Variants in LRRIQ1 observed in about 807,000 individuals in gnomAD.
LRRIQ1 encodes leucine rich repeats and IQ motif containing 1.
LRRIQ1 carries 210 observed loss-of-function variants against 211.9 expected under a neutral mutation model. The observed-to-expected ratio is 0.99, with a 90% CI of 0.89 to 1.11. The LOEUF (loss-of-function observed/expected upper bound fraction) is 1.11, where lower values mean the gene tolerates loss of function less well. LRRIQ1 is among the 50% of genes most tolerant of loss of function. LRRIQ1 has a pLI of 0.00. For missense variants in LRRIQ1, 2,136 were observed against 1,939.5 expected, an observed-to-expected ratio of 1.10 and a Z score of -1.90; for synonymous variants, 699 against 650.1, an observed-to-expected ratio of 1.08 and a Z score of -1.14.
intron 19 of LRRIQ1, among the ~76,000 whole-genome samples, chr12:85,142,276 A>G (rs1889594873): frequency 6.6e-6 from 1 of 151,210 alleles, no homozygotes; most frequent in Non-Finnish European, 1.5e-5. Flanking sequence ...GATTTTCTTT[A>G]TTGCCCTGCT....
intron 18 of LRRIQ1, among the ~76,000 whole-genome samples, chr12:85,132,816 A>G (rs1191362331): frequency 6.6e-6 from 1 of 151,918 alleles, no homozygotes; most frequent in African/African-American, 2.4e-5. Flanking sequence ...TAATTTTTTA[A>G]AATACCAAAA....
At chr12:85,043,860 CCTT>C (rs900382435) in intron 3 of LRRIQ1, among the ~76,000 whole-genome samples, 4 of 152,060 alleles carry the variant, frequency 2.6e-5, no homozygotes, top group Admixed American at 6.6e-5. Flanking sequence ...ACTCCAAGCT[CCTT>C]CTACCACATT....
intron 11 of LRRIQ1, among the ~76,000 whole-genome samples, chr12:85,095,705 G>A (rs1417307275): frequency 6.6e-6 from 1 of 152,174 alleles, no homozygotes; most frequent in Non-Finnish European, 1.5e-5. Flanking sequence ...AATAGCTTAA[G>A]TAGATCTGGT....
At chr12:85,121,608 T>C in intron 15 of LRRIQ1, 89 bp from the exon 16 acceptor site, 1 of 899,144 alleles carries the variant, frequency 1.1e-6, no homozygotes, top group Non-Finnish European at 1.5e-6. Flanking sequence ...CCTATGCTTG[T>C]ATTATTTAAA....
At chr12:85,198,955 TG>T (rs1021410803) in intron 24 of LRRIQ1, among the ~76,000 whole-genome samples, 6 of 152,178 alleles carry the variant, frequency 3.9e-5, no homozygotes, top group African/African-American at 7.2e-5. Context: ...CACTTTTTAA[TG>T]GGGTTGTTTG....
At chr12:85,205,325 T>C (rs1893489526) in intron 24 of LRRIQ1, among the ~76,000 whole-genome samples, 2 of 152,208 alleles carry the variant, frequency 1.3e-5, no homozygotes, top group Admixed American at 6.5e-5. Context: ...CATTTGCTTG[T>C]CTGAAAAATA....
intron 11 of LRRIQ1, among the ~76,000 whole-genome samples, chr12:85,080,439 A>G (rs958984074): frequency 1.3e-5 from 2 of 151,590 alleles, no homozygotes; most frequent in South Asian, 2.1e-4. Flanking sequence ...AATATATTTA[A>G]TGTCTTTTAT....
chr12:85,073,186 T>C, intron 11 of LRRIQ1, 88 bp downstream of exon 11: 2 of 836,660 alleles, frequency 2.4e-6, no homozygotes, highest in Middle Eastern at 3.7e-4. Flanking sequence ...GTCACCATCA[T>C]CTCCTTTATT....
intron 18 of LRRIQ1, among the ~76,000 whole-genome samples, chr12:85,133,561 T>C (rs1023360235): frequency 2.0e-5 from 3 of 152,082 alleles, no homozygotes; most frequent in African/African-American, 7.2e-5. Flanking sequence ...AAATAGATGG[T>C]GAGGTTTGAT....
At chr12:85,079,046 T>G (rs1007770575) in intron 11 of LRRIQ1, among the ~76,000 whole-genome samples, 1 of 152,106 alleles carries the variant, frequency 6.6e-6, no homozygotes, top group Non-Finnish European at 1.5e-5. Context: ...GTCAATTTGC[T>G]ATAATATCAC....
chr12:85,129,642 C>T (rs1182503567), intron 18 of LRRIQ1, among the ~76,000 whole-genome samples: 6 of 152,124 alleles, frequency 3.9e-5, no homozygotes, highest in Non-Finnish European at 8.8e-5. Context: ...GGCAAAGGAA[C>T]ATCAGATTCT....
intron 15 of LRRIQ1, among the ~76,000 whole-genome samples, chr12:85,108,094 G>A (rs1886911887): frequency 6.6e-6 from 1 of 151,956 alleles, no homozygotes; most frequent in Non-Finnish European, 1.5e-5. Context: ...AGTATTGGTT[G>A]TATTCTGGAC....
intron 24 of LRRIQ1, among the ~76,000 whole-genome samples, chr12:85,172,555 T>C (rs919325370): frequency 6.6e-6 from 1 of 152,130 alleles, no homozygotes; most frequent in Non-Finnish European, 1.5e-5. Context: ...ATCTAAGGGC[T>C]TCTGGATAAA....
Position 85,098,362 on chromosome 12 carries a change from A to G in LRRIQ1, c.2895A>G (p.Leu965=), listed in dbSNP as rs1025922451. The G allele has an allele frequency of 4.4e-6, 7 of 1,602,038 alleles. No homozygotes were observed. Among genetic ancestry groups the G allele is most frequent in the Non-Finnish European group, 1.7e-6 (2 of 1,172,412 alleles). ...ATAACTTTTTTCTTCTAGGTGGTTT[A>G]GAATCTTTGAAAAATCTTCAACAAC... ...LISHLYWNCG[L]ESLKNLQQLI... is the part of the protein sequence containing the mutation. Residue 965 remains leucine (L), a synonymous_variant, in exon 12 of 27, where the codon TTA becomes TTG. Transcript: ENST00000393217.
At chr12:85,177,953 A>C (rs930918130) in intron 24 of LRRIQ1, among the ~76,000 whole-genome samples, 1 of 152,104 alleles carries the variant, frequency 6.6e-6, no homozygotes, top group Non-Finnish European at 1.5e-5. Context: ...AGTATGTGCA[A>C]CTTGCATCTC....
At chr12:85,204,585 A>G (rs1209098863) in intron 24 of LRRIQ1, among the ~76,000 whole-genome samples, 1 of 152,172 alleles carries the variant, frequency 6.6e-6, no homozygotes, top group Non-Finnish European at 1.5e-5. Flanking sequence ...TGTGACCTAG[A>G]TGTGAGAAAT....
At chr12:85,055,232 T>A (rs773398286) in intron 7 of LRRIQ1, among the ~76,000 whole-genome samples, 1 of 152,096 alleles carries the variant, frequency 6.6e-6, no homozygotes, top group Non-Finnish European at 1.5e-5. Context: ...TTTGTTGTTG[T>A]TGTTGTTTGC....
intron 26 of LRRIQ1, among the ~76,000 whole-genome samples, chr12:85,233,676 A>C (rs1280367394): frequency 6.6e-6 from 1 of 152,202 alleles, no homozygotes; most frequent in East Asian, 1.9e-4. Flanking sequence ...GGTAGTCGCT[A>C]GCTAAATTGC....
chr12:85,195,089 C>T (rs1892823521), intron 24 of LRRIQ1, among the ~76,000 whole-genome samples: 1 of 152,118 alleles, frequency 6.6e-6, no homozygotes. Flanking sequence ...TGGAAAAATT[C>T]CTGGACACAT....
Sources: gnomAD v4.1 joint callset for allele counts (sites outside exome capture counted in the v4.1 genomes callset) on GRCh38, gnomAD v4.1.1 for gene constraint, MANE v1.5 for transcripts, NCBI Gene and HGNC (gene_info 2026-07-23, HGNC 2026-07-21) for gene names.